LDLRAD4: variants seen among roughly 807,000 people sequenced by gnomAD.
The protein encoded by LDLRAD4 is low density lipoprotein receptor class A domain containing 4.
LDLRAD4 carries 5 observed loss-of-function variants against 17.0 expected under a neutral mutation model. The ratio of observed to expected loss-of-function variants is 0.29; its 90% confidence interval spans 0.15 to 0.62. The LOEUF (loss-of-function observed/expected upper bound fraction) is 0.62, where lower values mean the gene tolerates loss of function less well. Ranked by LOEUF, LDLRAD4 falls within the 20% of genes least tolerant of loss-of-function variation. The probability of loss-of-function intolerance (pLI) is 0.84; values close to 1 mark genes in which losing one functional copy is unlikely to be tolerated. For synonymous variants in LDLRAD4, 168 were observed against 171.8 expected, an observed-to-expected ratio of 0.98 and a Z score of 0.17; for missense variants, 340 against 424.7, an observed-to-expected ratio of 0.80 and a Z score of 1.75.
At chr18:13,535,176 T>G (rs2094185904) in intron 3 of LDLRAD4, among the ~76,000 whole-genome samples, 1 of 152,206 alleles carries the variant, frequency 6.6e-6, no homozygotes. Flanking sequence ...ATATTTTCAT[T>G]TTTCTTTGTT....
chr18:13,354,259 C>T (rs554001807), intron 1 of LDLRAD4, among the ~76,000 whole-genome samples: 1 of 152,228 alleles, frequency 6.6e-6, no homozygotes, highest in African/African-American at 2.4e-5. Context: ...TTAATTTTTT[C>T]AAGTACTTTG....
intron 1 of LDLRAD4, among the ~76,000 whole-genome samples, chr18:13,372,044 G>A (rs1369440971): frequency 6.6e-6 from 1 of 152,160 alleles, no homozygotes; most frequent in East Asian, 1.9e-4. Flanking sequence ...TAAAGTTGAT[G>A]ATATTTAAGA....
chr18:13,559,804 T>C (rs2094521707), intron 3 of LDLRAD4, among the ~76,000 whole-genome samples: 1 of 152,196 alleles, frequency 6.6e-6, no homozygotes, highest in Non-Finnish European at 1.5e-5. Context: ...CTGGACTCAG[T>C]TGCCCATGGA....
chr18:13,586,795 G>A (rs2094941714), intron 3 of LDLRAD4, among the ~76,000 whole-genome samples: 1 of 151,606 alleles, frequency 6.6e-6, no homozygotes, highest in Non-Finnish European at 1.5e-5. Context: ...GCTGAGTTGG[G>A]AGAAACCCTT....
At chr18:13,355,097 C>A (rs10502419) in intron 1 of LDLRAD4, among the ~76,000 whole-genome samples, 1,639 of 152,362 alleles carry the variant, frequency 0.011, 32 homozygotes, top group African/African-American at 0.037. Context: ...GACTATTACA[C>A]TGTGGCAAAG....
chr18:13,333,986 C>A (rs908265251), intron 1 of LDLRAD4, among the ~76,000 whole-genome samples: 1 of 152,158 alleles, frequency 6.6e-6, no homozygotes, highest in African/African-American at 2.4e-5. Context: ...ATTGATGAAG[C>A]TGGGAAGAAC....
At chr18:13,295,890 G>T (rs1047173298) in intron 1 of LDLRAD4, among the ~76,000 whole-genome samples, 5 of 152,246 alleles carry the variant, frequency 3.3e-5, no homozygotes, top group African/African-American at 9.6e-5. Context: ...GTGTGCTGAG[G>T]AAGGCAGAAT....
chr18:13,240,844 T>G (rs919628467), intron 1 of LDLRAD4: 3 of 152,246 alleles, frequency 2.0e-5, no homozygotes, highest in African/African-American at 7.2e-5. Flanking sequence ...TTTGGAGGGA[T>G]GACAACAGAT....
chr18:13,234,474 C>T (rs369349159), intron 1 of LDLRAD4, among the ~76,000 whole-genome samples: 4 of 148,754 alleles, frequency 2.7e-5, no homozygotes, highest in Admixed American at 2.7e-4. Context: ...GTTGAATAAA[C>T]AGATGGACTG....
At chr18:13,464,532 C>G (rs2092550302) in intron 3 of LDLRAD4, among the ~76,000 whole-genome samples, 1 of 152,152 alleles carries the variant, frequency 6.6e-6, no homozygotes, top group Non-Finnish European at 1.5e-5. Flanking sequence ...CCTCAAAACT[C>G]TTAGATCAGG....
At chr18:13,495,929 A>G (rs2093460316) in intron 3 of LDLRAD4, among the ~76,000 whole-genome samples, 1 of 152,082 alleles carries the variant, frequency 6.6e-6, no homozygotes, top group Non-Finnish European at 1.5e-5. Context: ...GCCCTTGTGG[A>G]GTTTCTTCCC....
Position 13,403,992 on chromosome 18 carries a change from G to A in LDLRAD4, c.40+16230G>A, listed in dbSNP as rs117317405. ...GATGTCTATCTACACTGAGCGCAAGGACCCTGAACCGGGGGAGGCTGAGGC... is the reference window on the plus strand; with the variant it reads ...GATGTCTATCTACACTGAGCGCAAGAACCCTGAACCGGGGGAGGCTGAGGC... On this transcript the variant is annotated intron_variant, in intron 2 of 5. Transcript: ENST00000359446. Among the ~76,000 whole-genome samples the A allele has an allele frequency of 3.6e-4, 55 of 152,370 alleles. No homozygotes were observed. In the East Asian group the frequency reaches 0.011, roughly 29 times the overall value.
chr18:13,595,880 G>C lies in LDLRAD4; in HGVS notation c.182-25237G>C, dbSNP rs189040047. 7.7e-4 allele frequency among the ~76,000 whole-genome samples: 117 copies of C among 152,266 alleles called. 1 individual carries two copies. The highest frequency in any genetic ancestry group is 2.7e-3 in the African/African-American group (113 of 41,574). ...GTGTTCTATAGAGGTCCATCTGTTA[G>C]GTTTATTTGGCTTCTACTGTGTTTA... On this transcript the variant is annotated intron_variant, in intron 3 of 5. Transcript: ENST00000359446.
intron 1 of LDLRAD4, among the ~76,000 whole-genome samples, chr18:13,284,703 G>A (rs1481664206): frequency 6.6e-6 from 1 of 152,188 alleles, no homozygotes; most frequent in Non-Finnish European, 1.5e-5. Context: ...GGTGAGGTGA[G>A]TCCTCTGGTG....
chr18:13,621,285 C>T lies in LDLRAD4; in HGVS notation c.336+14C>T. The T allele has an allele frequency of 6.2e-7, 1 of 1,602,764 alleles. No individual in the cohort carries two copies. Among genetic ancestry groups the T allele is most frequent in the Non-Finnish European group, 8.5e-7 (1 of 1,173,466 alleles). ...GGGCTGCCGCAGGTGAGTACCCTGG[C>T]CGCCCCGGCTCCAGAGTCAGGCAGC... On this transcript the variant is annotated intron_variant, in intron 4 of 5. Transcript: ENST00000359446. This position sits in a 1 kb window ranked among gnomAD's most constrained non-coding sequence, Gnocchi z 5.5.
rs186561055 is a variant in LDLRAD4 at position 13,475,598 on chromosome 18, A to G, written c.181+37214A>G. On this transcript the variant is annotated intron_variant, in intron 3 of 5. Transcript: ENST00000359446. ...ATTAATGCAGTGTGTTTTGTGGCCA[A>G]TGTCCTGGGTGTCTTTGTAGCTTAT... Among the ~76,000 whole-genome samples the G allele has an allele frequency of 3.5e-3, 533 of 152,140 alleles. 1 individual carries two copies. The highest frequency in any genetic ancestry group is 0.015 in the South Asian group (70 of 4,800).
chr18:13,387,835 G>A lies in LDLRAD4; in HGVS notation c.40+73G>A, dbSNP rs1228820332. On this transcript the variant is annotated intron_variant, in intron 2 of 5. Coordinates refer to ENST00000359446, the Ensembl canonical transcript of LDLRAD4. ...GCAATAAACTCCCAAACCACTGCAT[G>A]CAGTGAACCTACCTTTGCAGTCAGG... 6.0e-6 allele frequency: 8 copies of A among 1,342,724 alleles called. No homozygotes were observed. The East Asian group carries it at 1.6e-4, about 27-fold the overall frequency. 83.2% of individuals were successfully genotyped at this position (1,342,724 alleles called of 1,614,324 possible).
At chr18:13,409,553 C>T (rs1036154365) in intron 2 of LDLRAD4, among the ~76,000 whole-genome samples, 1 of 152,240 alleles carries the variant, frequency 6.6e-6, no homozygotes, top group Non-Finnish European at 1.5e-5. Context: ...ACATTTCTAT[C>T]TTCAACCTGT....
intron 3 of LDLRAD4, among the ~76,000 whole-genome samples, chr18:13,523,356 A>C (rs1375290595): frequency 6.6e-6 from 1 of 152,226 alleles, no homozygotes; most frequent in Non-Finnish European, 1.5e-5. Flanking sequence ...CCTGCTGGCC[A>C]TGAAGAAATG....
Sources: allele counts gnomAD v4.1 joint callset (sites outside exome capture counted in the v4.1 genomes callset), GRCh38; gene constraint gnomAD v4.1.1; non-coding constraint Gnocchi (gnomAD v3.1); transcripts MANE v1.5; gene names NCBI Gene and HGNC (gene_info 2026-07-23, HGNC 2026-07-21).